The following CFAP44 variants were observed in gnomAD, a reference collection of about 807,000 sequenced individuals.
The protein encoded by CFAP44 is cilia- and flagella-associated protein 44.
Under a neutral mutation model 216.2 loss-of-function variants are expected in CFAP44, and 134 were observed. The observed-to-expected ratio is 0.62, with a 90% CI of 0.54 to 0.72. The LOEUF (loss-of-function observed/expected upper bound fraction) is 0.72. Ranked by LOEUF, CFAP44 falls within the 30% of genes least tolerant of loss-of-function variation. The pLI is 0.00. For missense variants in CFAP44, 2,035 were observed against 2,182.1 expected, an observed-to-expected ratio of 0.93 and a Z score of 1.34; for synonymous variants, 700 against 727.6, an observed-to-expected ratio of 0.96 and a Z score of 0.61.
At chr3:113,407,136 A>G in intron 7 of CFAP44, 95 bp from the exon 8 acceptor site, 1 of 894,302 alleles carries the variant, frequency 1.1e-6, no homozygotes, top group Non-Finnish European at 1.8e-6. Context: ...ATAGTTGCAT[A>G]TATTATTTCA....
Position 113,399,580 on chromosome 3 carries a change from G to A in CFAP44, c.1569+326C>T, listed in dbSNP as rs367954181. Among the ~76,000 whole-genome samples the A allele has an allele frequency of 3.0e-4, 45 of 151,972 alleles. 1 individual carries two copies. The highest frequency in any genetic ancestry group is 9.7e-4 in the African/African-American group (40 of 41,440). ...CTAAAACAAGGCCTGGCACATTGTC[G>A]GCACTCTGTAAATATTAATAGAATG... On this transcript the variant is annotated intron_variant, in intron 13 of 34. Coordinates refer to ENST00000393845, the MANE Select transcript of CFAP44 (RefSeq NM_001164496.2).
At chr3:113,366,935 CG>C (rs1932955670) in intron 18 of CFAP44, among the ~76,000 whole-genome samples, 1 of 152,232 alleles carries the variant, frequency 6.6e-6, no homozygotes, top group Non-Finnish European at 1.5e-5. Flanking sequence ...GCGGGTCCCA[CG>C]CCCATGGAGC....
chr3:113,340,415 GAAAC>G (rs1950321054), intron 24 of CFAP44, among the ~76,000 whole-genome samples: 1 of 152,182 alleles, frequency 6.6e-6, no homozygotes, highest in Admixed American at 6.5e-5. Context: ...TCAGTGAAGA[GAAAC>G]AGAGCCTCTT....
chr3:113,356,864 G>A (rs953179198), intron 22 of CFAP44, among the ~76,000 whole-genome samples: 6 of 151,870 alleles, frequency 4.0e-5, no homozygotes, highest in African/African-American at 1.5e-4. Context: ...AGAGACTAAA[G>A]CCACATACTA....
chr3:113,369,193 C>T lies in CFAP44; in HGVS notation c.2445-2884G>A, dbSNP rs144363351. 4.6e-3 allele frequency among the ~76,000 whole-genome samples: 699 copies of T among 152,198 alleles called. 5 individuals are homozygous for T. The highest frequency in any genetic ancestry group is 6.5e-3 in the African/African-American group (270 of 41,538). On this transcript the variant is annotated intron_variant, in intron 18 of 34. Transcript: ENST00000393845. ...GATCAACGAGACAGAAGGTTAACAACGATATCCAGGATTTCAACTCAGCTC... is the reference window on the plus strand; with the variant it reads ...GATCAACGAGACAGAAGGTTAACAATGATATCCAGGATTTCAACTCAGCTC...
intron 4 of CFAP44, among the ~76,000 whole-genome samples, chr3:113,423,797 GCAGCCTTCTGA>G (rs1934885928): frequency 6.6e-6 from 1 of 152,162 alleles, no homozygotes; most frequent in East Asian, 1.9e-4. Context: ...CAAGAATTCG[GCAGCCTTCTGA>G]GCCAGAGTAG....
intron 4 of CFAP44, among the ~76,000 whole-genome samples, chr3:113,425,770 A>T (rs1336042321): frequency 3.9e-5 from 6 of 152,226 alleles, no homozygotes; most frequent in African/African-American, 1.4e-4. Flanking sequence ...GGCATCAAAC[A>T]AAAGCTTAGT....
At chr3:113,300,710 T>C (rs1003231000) in intron 32 of CFAP44, among the ~76,000 whole-genome samples, 2 of 151,976 alleles carry the variant, frequency 1.3e-5, no homozygotes, top group African/African-American at 4.8e-5. Context: ...AGACATTTTA[T>C]AGAATAGGAA....
Position 113,351,379 on chromosome 3 carries a change from A to G in CFAP44, c.3066-6667T>C, listed in dbSNP as rs143982723. 1.6e-3 allele frequency among the ~76,000 whole-genome samples: 248 copies of G among 152,282 alleles called. 6 individuals carry two copies. The highest frequency in any genetic ancestry group is 0.014 in the Admixed American group (221 of 15,306). On this transcript the variant is annotated intron_variant, in intron 22 of 34. Coordinates refer to ENST00000393845, the MANE Select transcript of CFAP44 (RefSeq NM_001164496.2). ...AGCCATACAACTAATACCCCTAATT[A>G]TAGGGTTAGGAATGGCTACTGCTAC...
At chr3:113,409,033 T>TTAA in intron 7 of CFAP44, 73 bp downstream of exon 7, 1 of 527,072 alleles carries the variant, frequency 1.9e-6, no homozygotes, top group Non-Finnish European at 3.1e-6. Flanking sequence ...AAAAAAAGTC[T>TTAA]CCAGCTCTTA....
chr3:113,428,466 G>A (rs1022830000), intron 2 of CFAP44, among the ~76,000 whole-genome samples: 2 of 152,208 alleles, frequency 1.3e-5, no homozygotes, highest in South Asian at 4.1e-4. Context: ...ATTAAATCAA[G>A]CTGGCAAATC....
At position 113,396,747 on chromosome 3, in the gene CFAP44, A is replaced by G; in HGVS notation, c.1570-20T>C. 6.2e-7 allele frequency: 1 copy of G among 1,607,662 alleles called. No individual in the cohort carries two copies. Among genetic ancestry groups the G allele is most frequent in the Non-Finnish European group, 8.5e-7 (1 of 1,175,366 alleles). On this transcript the variant is annotated intron_variant, in intron 13 of 34. Transcript: ENST00000393845. ...GTTTACCTTGGAGAAAATTAAAGAT[A>G]AGGGACCTGAAACTAGTTAAATTGA... is the stretch of plus-strand genomic sequence containing the variant.
intron 28 of CFAP44, among the ~76,000 whole-genome samples, chr3:113,324,139 T>G (rs565133219): frequency 6.6e-6 from 1 of 151,332 alleles, no homozygotes; most frequent in Non-Finnish European, 1.5e-5. Context: ...CCAAAAGAAA[T>G]GTTCAAATCC....
chr3:113,344,575 C>T lies in CFAP44; in HGVS notation c.3203G>A (p.Ser1068Asn). The change falls in exon 23 of 35, where the codon AGC becomes AAC. Residue 1068 changes from serine to asparagine, a missense_variant. By Grantham distance (46) the Ser-to-Asn change is conservative (BLOSUM62 1). Around this residue, in one of 3 missense-constraint regions of CFAP44, gnomAD observed 1,883 missense variants for 2,023.7 expected, o/e 0.93. Transcript: ENST00000393845. Reference sequence around the variant, plus strand: ...CTCTTTTTCAAACCTGTCCAATTTGCTTGGTTTTCTCTCTGATTGACTAGC... The same window carrying T: ...CTCTTTTTCAAACCTGTCCAATTTGTTTGGTTTTCTCTCTGATTGACTAGC... ...KRASQSERKP[S>N]KLDRFEKEGP... is the part of the protein sequence containing the mutation. 2 of 1,537,092 alleles carry T rather than the reference C, an allele frequency of 1.3e-6. No individual in the cohort carries two copies. The highest frequency in any genetic ancestry group is 1.7e-6 in the Non-Finnish European group (2 of 1,146,836).
chr3:113,316,351 A>G (rs532940029), intron 28 of CFAP44, among the ~76,000 whole-genome samples: 31 of 152,260 alleles, frequency 2.0e-4, no homozygotes, highest in African/African-American at 7.5e-4. Context: ...AATATCATCA[A>G]TAATCTAAAC....
intron 22 of CFAP44, among the ~76,000 whole-genome samples, chr3:113,351,041 A>G (rs1216364584): frequency 3.9e-5 from 6 of 152,192 alleles, no homozygotes; most frequent in Admixed American, 3.9e-4. Flanking sequence ...AGTTATAAGG[A>G]AACTCTTGTA....
chr3:113,420,198 G>A lies in CFAP44; in HGVS notation c.408-19C>T. 6.3e-7 allele frequency: 1 copy of A among 1,597,422 alleles called. No homozygotes were observed. The highest frequency in any genetic ancestry group is 8.5e-7 in the Non-Finnish European group (1 of 1,171,392). ...AGAATGTCTGAGGGAAAGTTGCTAA[G>A]GAAAAGAAGTGAAAAACACTACCAT... is the stretch of plus-strand genomic sequence containing the variant. On this transcript the variant is annotated intron_variant, in intron 4 of 34. Transcript: ENST00000393845.
chr3:113,398,086 T>A (rs1232920841), intron 13 of CFAP44, among the ~76,000 whole-genome samples: 1 of 152,178 alleles, frequency 6.6e-6, no homozygotes, highest in Non-Finnish European at 1.5e-5. Flanking sequence ...ACCATTCAAC[T>A]TCAGTTGAAT....
chr3:113,291,585 T>G lies in CFAP44; in HGVS notation c.5537A>C (p.Glu1846Ala). The change falls in exon 35 of 35, where the codon GAG becomes GCG. Residue 1846 changes from glutamate (E) to alanine (A), a missense_variant. Physicochemically the swap from Glu to Ala is moderately radical, Grantham distance 107 (BLOSUM62 -1). Around this residue, in one of 3 missense-constraint regions of CFAP44, gnomAD observed 1,883 missense variants for 2,023.7 expected, o/e 0.93. Coordinates refer to ENST00000393845, the MANE Select transcript of CFAP44 (RefSeq NM_001164496.2). ...LILPPIQSPR[E>A]KEIQPADL ...AAGGTCTGCGGGCTGTATCTCTTTCTCTCGTGGAGACTGAATGGGTGGGAG... is the reference window on the plus strand; with the variant it reads ...AAGGTCTGCGGGCTGTATCTCTTTCGCTCGTGGAGACTGAATGGGTGGGAG... 6.5e-7 allele frequency: 1 copy of G among 1,537,242 alleles called. No homozygotes were observed.
Sources: gnomAD v4.1 joint callset for allele counts (sites outside exome capture counted in the v4.1 genomes callset) on GRCh38, gnomAD v4.1.1 for gene constraint, gnomAD v4.1.1 regional missense constraint, MANE v1.5 for transcripts, NCBI Gene and HGNC (gene_info 2026-07-23, HGNC 2026-07-21) for gene names.